FANCA: variants seen among roughly 807,000 people sequenced by gnomAD.
FANCA encodes the protein Fanconi anemia group A protein.
A neutral mutation model predicts 194.3 loss-of-function variants in FANCA; 236 were observed. The ratio of observed to expected loss-of-function variants is 1.21; its 90% CI spans 1.09 to 1.35. The LOEUF (loss-of-function observed/expected upper bound fraction) is 1.35, where lower values mean the gene tolerates loss of function less well. FANCA is among the 40% of genes most tolerant of loss of function. FANCA has a pLI of 0.00. For missense variants in FANCA, 2,628 were observed against 1,813.9 expected (o/e 1.45, Z -8.15); for synonymous variants, 1,014 against 715.8 (o/e 1.42, Z -6.65).
In FANCA at chr16:89,769,885, T is replaced by C. The variant is rs976586387; in HGVS notation, c.2456A>G (p.Asp819Gly). The C allele has an allele frequency of 6.2e-7, 1 of 1,614,062 alleles. No homozygotes were observed. Among genetic ancestry groups the C allele is most frequent in the Non-Finnish European group, 8.5e-7 (1 of 1,180,024 alleles). Residue 819 changes from aspartate to glycine, a missense_variant, in exon 26 of 43, where the codon GAC (aspartate) becomes GGC (glycine). Coordinates refer to ENST00000389301, the MANE Select transcript of FANCA (RefSeq NM_000135.4). ...CCTCGTCCTACAGGTCAGGAGGCTG[T>C]CAAAGAGCGCAGGGACAGGAAGGCC... Reference protein sequence around the residue: ...GAGLPVPALFDSLLTCRTRDS... With the variant: ...GAGLPVPALFGSLLTCRTRDS...
chr16:89,744,559 A>T (rs2062201991), intron 36 of FANCA: 1 of 333,950 alleles, frequency 3.0e-6, no homozygotes, highest in Non-Finnish European at 5.9e-6. Flanking sequence ...CCCACATTAG[A>T]TTTAAGAGGA....
Position 89,769,916 on chromosome 16 carries a change from C to G in FANCA, c.2425G>C (p.Gly809Arg), listed in dbSNP as rs200287261. The G allele has an allele frequency of 3.1e-6, 5 of 1,614,060 alleles. No homozygotes were observed. The Admixed American group carries it at 6.7e-5, about 22-fold the overall frequency. Residue 809 changes from glycine (G) to arginine (R), a missense_variant, in exon 26 of 43, where the codon GGT (glycine) becomes CGT (arginine). Gly to Arg is a moderately radical substitution (Grantham distance 125). Coordinates refer to ENST00000389301, the MANE Select transcript of FANCA (RefSeq NM_000135.4). ...PEVDVGPPAP[G>R]AGLPVPALFD... The stretch of plus-strand genomic sequence containing the variant: ...AGCGCAGGGACAGGAAGGCCAGCAC[C>G]AGGTGCAGGAGGACCCACATCCACC...
At chr16:89,771,851 C>T (rs775354681) in intron 22 of FANCA, 37 bp from the exon 23 acceptor site, 1 of 1,612,422 alleles carries the variant, frequency 6.2e-7, no homozygotes, top group East Asian at 2.2e-5. Context: ...TGACAAGAAC[C>T]CCGAAAGGAG....
chr16:89,772,635 G>A (rs1029282788), intron 22 of FANCA, among the ~76,000 whole-genome samples: 10 of 152,112 alleles, frequency 6.6e-5, no homozygotes, highest in Admixed American at 4.6e-4. Context: ...TGGCCAACAT[G>A]GTGAAACCCC....
In FANCA at chr16:89,791,749, C is replaced by T. The variant is rs897055525; in HGVS notation, c.1225+178G>A. 8.2e-6 allele frequency: 8 copies of T among 974,332 alleles called. No individual in the cohort carries two copies. In the South Asian group the frequency reaches 1.0e-4, roughly 12 times the overall value. The allele number at this position is 974,332 out of a possible 1,614,324, so 60.4% of individuals were successfully genotyped here. A position where few individuals can be genotyped will look rare whatever the true frequency, so the allele number is the denominator to read the frequency against. On this transcript the variant is annotated intron_variant, in intron 13 of 42. Transcript: ENST00000389301. Reference sequence around the variant, plus strand: ...TGGACACTCTGGCCTCTCAGAGCAGCAGTCAGTGCTTATGGAAGCGTCTGA... The same window carrying T: ...TGGACACTCTGGCCTCTCAGAGCAGTAGTCAGTGCTTATGGAAGCGTCTGA...
chr16:89,765,572 G>A lies in FANCA; in HGVS notation c.2602-506C>T, dbSNP rs764661961. Reference sequence around the variant, plus strand: ...CCAGGGGTAGGGCTGGTTTGGTCCCGGGCAGTGAAACAGCCCATCTCTAGG... The same window carrying A: ...CCAGGGGTAGGGCTGGTTTGGTCCCAGGCAGTGAAACAGCCCATCTCTAGG... On this transcript the variant is annotated intron_variant, in intron 27 of 42. Transcript: ENST00000389301. Among the ~76,000 whole-genome samples, 5 of 152,240 alleles carry A rather than the reference G, an allele frequency of 3.3e-5. No individual in the cohort carries two copies. The South Asian group carries it at 8.3e-4, about 25-fold the overall frequency.
At chr16:89,739,618 A>T in intron 39 of FANCA, 65 bp from the exon 40 acceptor site, 1 of 1,530,732 alleles carries the variant, frequency 6.5e-7, no homozygotes, top group South Asian at 1.2e-5. Flanking sequence ...TGCTGGGGAC[A>T]CCCCTGGGGG....
At chr16:89,769,679 G>C (rs2039252975) in intron 26 of FANCA, 158 bp downstream of exon 26, 2 of 781,306 alleles carry the variant, frequency 2.6e-6, no homozygotes, top group Non-Finnish European at 4.3e-6. Context: ...ATAAACAAAT[G>C]ACAGATAAAA....
intron 11 of FANCA, among the ~76,000 whole-genome samples, chr16:89,795,189 G>GCAGGAGAATGGTTTGAA (rs1312508483): frequency 6.6e-6 from 1 of 151,628 alleles, no homozygotes; most frequent in Non-Finnish European, 1.5e-5. Context: ...GGAGGCTGAG[G>GCAGGAGAATGGTTTGAA]CAGGAGAATG....
intron 36 of FANCA, 200 bp downstream of exon 36, chr16:89,744,759 T>G (rs1598066830): frequency 1.6e-6 from 1 of 620,008 alleles, no homozygotes. Flanking sequence ...TGGGTTCAAC[T>G]GATTCTCCTG....
rs148401103 is a variant in FANCA, at chr16:89,815,171, G to A, written c.190-558C>T. Among the ~76,000 whole-genome samples, 853 of 151,736 alleles carry A rather than the reference G, an allele frequency of 5.6e-3. 6 individuals are homozygous for A. Among genetic ancestry groups the A allele is most frequent in the African/African-American group, 0.02 (823 of 41,398 alleles). On this transcript the variant is annotated intron_variant, in intron 2 of 42. Coordinates refer to ENST00000389301, the MANE Select transcript of FANCA (RefSeq NM_000135.4). Reference sequence around the variant, plus strand: ...CCTGCCTCAGCCTCCTGAGCAGCTGGGATTACAGACACCTGCTACCATACC... The same window carrying A: ...CCTGCCTCAGCCTCCTGAGCAGCTGAGATTACAGACACCTGCTACCATACC...
intron 14 of FANCA, among the ~76,000 whole-genome samples, chr16:89,785,330 G>T (rs2039861342): frequency 6.6e-6 from 1 of 152,224 alleles, no homozygotes; most frequent in Non-Finnish European, 1.5e-5. Flanking sequence ...GGGATCCTTA[G>T]GGGTACAATT....
In FANCA at chr16:89,738,855, G is replaced by A. The variant is rs774344839; in HGVS notation, c.4260+27C>T. 5.0e-6 allele frequency: 8 copies of A among 1,614,098 alleles called. No individual in the cohort carries two copies. The African/African-American group carries it at 6.7e-5, about 13-fold the overall frequency. On this transcript the variant is annotated intron_variant, in intron 42 of 42. Transcript: ENST00000389301. ...CTGTCAATTCTCATGTCCCCCACAT[G>A]GCCCAAGGTGGGCATCTTGACGTTA...
At position 89,799,628 on chromosome 16, in the gene FANCA, T is replaced by C; in HGVS notation, c.803A>G (p.Asp268Gly). 11 of 1,613,486 alleles carry C rather than the reference T, an allele frequency of 6.8e-6. No homozygotes were observed. Among genetic ancestry groups the C allele is most frequent in the Non-Finnish European group, 9.3e-6 (11 of 1,179,384 alleles). Reference protein sequence around the residue: ...EPEKMPQVTVDVLQRMLIFAL... With the variant: ...EPEKMPQVTVGVLQRMLIFAL... ...ACAAATCAGCATTCTCTGCAGTACA[T>C]CAACCGTGACCTGTCAAAATAGAAT... The change falls in exon 9 of 43, where the codon GAT becomes GGT. Residue 268 changes from aspartate to glycine, a missense_variant. Coordinates refer to ENST00000389301, the MANE Select transcript of FANCA (RefSeq NM_000135.4).
rs993748964 is a variant in FANCA at position 89,737,687 on chromosome 16, G to A, written c.*914C>T. 2.6e-5 allele frequency: 41 copies of A among 1,555,266 alleles called. 1 individual carries two copies. The South Asian group carries it at 4.7e-4, about 18-fold the overall frequency. ...CATAGGCCCCTTGCTTGGGCCCACT[G>A]CATGGTGAACCATGTGCAGAAATGT... On this transcript the variant is annotated 3_prime_UTR_variant, in exon 43 of 43. Transcript: ENST00000389301.
rs927937594 is a variant in FANCA, at chr16:89,740,885, A to G, written c.3766-19T>C. The G allele has an allele frequency of 2.5e-6, 4 of 1,594,748 alleles. No homozygotes were observed. Among genetic ancestry groups the G allele is most frequent in the Non-Finnish European group, 3.4e-6 (4 of 1,165,936 alleles). ...CCAATAGCTGTAAATAAAAACGTGCACTTATTATTACATTAAAATTACCTG... is the reference window on the plus strand; with the variant it reads ...CCAATAGCTGTAAATAAAAACGTGCGCTTATTATTACATTAAAATTACCTG... On this transcript the variant is annotated intron_variant, in intron 37 of 42. Transcript: ENST00000389301.
At chr16:89,751,852 G>A (rs571684976) in intron 31 of FANCA, among the ~76,000 whole-genome samples, 1 of 151,472 alleles carries the variant, frequency 6.6e-6, no homozygotes, top group Admixed American at 6.6e-5. Flanking sequence ...CTCACTGCAA[G>A]CTCCGCCTCC....
chr16:89,779,892 G>A lies in FANCA; in HGVS notation c.1692C>T (p.Ile564=), dbSNP rs1176095983. 6.2e-7 allele frequency: 1 copy of A among 1,613,852 alleles called. No homozygotes were observed. The highest frequency in any genetic ancestry group is 8.5e-7 in the Non-Finnish European group (1 of 1,180,044). The change falls in exon 18 of 43, where the codon ATC becomes ATT. Residue 564 remains isoleucine, a synonymous_variant. Coordinates refer to ENST00000389301, the MANE Select transcript of FANCA (RefSeq NM_000135.4). ...AIMVFEHTGN[I]PVTVMEASIF... The stretch of plus-strand genomic sequence containing the variant: ...ACCTGGCCTCCATGACGGTGACTGG[G>A]ATGTTCCCCGTATGCTCAAACACCA...
intron 20 of FANCA, among the ~76,000 whole-genome samples, chr16:89,777,830 C>G (rs112125352): frequency 9.9e-5 from 15 of 152,072 alleles, no homozygotes; most frequent in African/African-American, 3.6e-4. Flanking sequence ...GTTCTCCTCT[C>G]TGCACAATCA....
Sources: gnomAD v4.1 joint callset for allele counts (sites outside exome capture counted in the v4.1 genomes callset) on GRCh38, gnomAD v4.1.1 for gene constraint, MANE v1.5 for transcripts, NCBI Gene and HGNC (gene_info 2026-07-23, HGNC 2026-07-21) for gene names.